The following PTGER3 variants were observed in gnomAD, a reference collection of about 807,000 sequenced individuals.
PTGER3 encodes the protein prostaglandin E receptor 3, also known as prostaglandin E2 receptor EP3 subtype.
In PTGER3, 22 loss-of-function variants were observed where a neutral mutation model predicts 34.7. The observed-to-expected ratio is 0.63, with a 90% CI of 0.45 to 0.91. The LOEUF is 0.91. PTGER3 is among the 40% of genes least tolerant of loss of function. PTGER3 has a pLI of 0.00. For missense variants in PTGER3, 468 were observed against 519.4 expected (o/e 0.90, Z 0.96); for synonymous variants, 241 against 230.1 (o/e 1.05, Z -0.43).
intron 2 of PTGER3, among the ~76,000 whole-genome samples, chr1:70,994,729 T>C (rs139344223): frequency 8.5e-5 from 13 of 152,332 alleles, no homozygotes; most frequent in African/African-American, 3.1e-4. Flanking sequence ...GTGCTGGGAT[T>C]ACAGGCGTGA....
chr1:71,039,649 CAAAAAAA>C (rs1183485427), intron 1 of PTGER3, among the ~76,000 whole-genome samples: 1,462 of 54,476 alleles, frequency 0.027, 31 homozygotes, highest in African/African-American at 0.078. Context: ...GACTCTGTCT[CAAAAAAA>C]AAAAAAAAAA....
chr1:70,885,920 C>T (rs1015416999), intron 4 of PTGER3, among the ~76,000 whole-genome samples: 2 of 152,162 alleles, frequency 1.3e-5, no homozygotes, highest in Non-Finnish European at 2.9e-5. Flanking sequence ...AAAAATAATA[C>T]TGTCCTTTTG....
chr1:70,974,282 G>T lies in PTGER3; in HGVS notation c.1169+15C>A. ...GAAGGCTATGCTATAAATCCCGGCAGTTTCTAAATCTCACCTTTCCAAATG... is the reference window on the plus strand; with the variant it reads ...GAAGGCTATGCTATAAATCCCGGCATTTTCTAAATCTCACCTTTCCAAATG... On this transcript the variant is annotated intron_variant, in intron 3 of 3. Coordinates refer to ENST00000306666, the MANE Select transcript of PTGER3 (RefSeq NM_198719.2). 1.2e-6 allele frequency: 2 copies of T among 1,612,562 alleles called. No homozygotes were observed. Among genetic ancestry groups the T allele is most frequent in the Non-Finnish European group, 1.7e-6 (2 of 1,179,010 alleles).
intron 1 of PTGER3, among the ~76,000 whole-genome samples, chr1:71,042,561 T>C (rs1303131073): frequency 6.6e-6 from 1 of 152,178 alleles, no homozygotes; most frequent in African/African-American, 2.4e-5. Context: ...TAGAATATTT[T>C]TCCTACAATG....
intron 4 of PTGER3, among the ~76,000 whole-genome samples, chr1:70,906,175 C>T (rs1381379082): frequency 6.6e-6 from 1 of 152,180 alleles, no homozygotes; most frequent in Admixed American, 6.5e-5. Context: ...TCCATTAAGC[C>T]TCTTTCTTTT....
intron 4 of PTGER3, among the ~76,000 whole-genome samples, chr1:70,927,807 A>T (rs1197070029): frequency 6.6e-6 from 1 of 152,096 alleles, no homozygotes; most frequent in African/African-American, 2.4e-5. Flanking sequence ...CAATGATGTT[A>T]TCTGTCTCCA....
chr1:71,032,202 T>C (rs551076794), intron 1 of PTGER3, among the ~76,000 whole-genome samples: 6 of 152,154 alleles, frequency 3.9e-5, no homozygotes, highest in South Asian at 2.1e-4. Context: ...GTTAATGGAG[T>C]ATTCGTGAGA....
rs117506609 is a variant in PTGER3, at chr1:70,938,762, G to A, written c.*23+15001C>T. 6.0e-4 allele frequency among the ~76,000 whole-genome samples: 92 copies of A among 152,238 alleles called. 1 individual carries two copies. In the East Asian group the frequency reaches 0.017, roughly 28 times the overall value. On this transcript the variant is annotated intron_variant, in intron 4 of 4. Transcript: ENST00000370931. Reference sequence around the variant, plus strand: ...TATTCACTGTCACCAGAATAGCTCAGGAAAGACCAGCCCCCATGATTCAAT... The same window carrying A: ...TATTCACTGTCACCAGAATAGCTCAAGAAAGACCAGCCCCCATGATTCAAT...
chr1:70,943,019 CT>C (rs1212148046), intron 4 of PTGER3, among the ~76,000 whole-genome samples: 1 of 152,132 alleles, frequency 6.6e-6, no homozygotes, highest in African/African-American at 2.4e-5. Flanking sequence ...TAATATACCC[CT>C]TGAAGCAGGA....
chr1:70,866,539 C>T (rs1236487775), intron 4 of PTGER3, among the ~76,000 whole-genome samples: 4 of 152,186 alleles, frequency 2.6e-5, no homozygotes, highest in Non-Finnish European at 5.9e-5. Flanking sequence ...ATGATATGCT[C>T]ATCTCTGTGT....
chr1:70,984,758 A>G (rs1340144330), intron 2 of PTGER3, among the ~76,000 whole-genome samples: 3 of 152,166 alleles, frequency 2.0e-5, no homozygotes, highest in African/African-American at 7.2e-5. Flanking sequence ...ATTTTAAGTC[A>G]ATAAGCAAAG....
At chr1:70,921,921 G>T (rs999744592) in intron 4 of PTGER3, among the ~76,000 whole-genome samples, 3 of 152,132 alleles carry the variant, frequency 2.0e-5, no homozygotes, top group Non-Finnish European at 4.4e-5. Flanking sequence ...CAAATATTTT[G>T]TCAGAAAAGT....
chr1:70,855,702 G>C (rs917099964), intron 4 of PTGER3, among the ~76,000 whole-genome samples: 1 of 152,040 alleles, frequency 6.6e-6, no homozygotes, highest in African/African-American at 2.4e-5. Context: ...GAGCAAATGG[G>C]TGTTTTCTGT....
chr1:70,854,936 A>G (rs1318306476), intron 4 of PTGER3, among the ~76,000 whole-genome samples: 1 of 152,194 alleles, frequency 6.6e-6, no homozygotes, highest in Non-Finnish European at 1.5e-5. Flanking sequence ...GAAACTAAAA[A>G]TGCGATTACC....
intron 2 of PTGER3, among the ~76,000 whole-genome samples, chr1:70,982,407 G>T (rs554078270): frequency 6.6e-6 from 1 of 152,174 alleles, no homozygotes; most frequent in South Asian, 2.1e-4. Flanking sequence ...AGATTTGGGA[G>T]GGAAAACATC....
chr1:70,982,283 TCA>T (rs1654454007), intron 2 of PTGER3, among the ~76,000 whole-genome samples: 1 of 152,134 alleles, frequency 6.6e-6, no homozygotes. Flanking sequence ...ATAAATAAGC[TCA>T]GTCTTACACC....
At chr1:70,872,256 C>T (rs1225276134) in intron 4 of PTGER3, among the ~76,000 whole-genome samples, 1 of 152,150 alleles carries the variant, frequency 6.6e-6, no homozygotes, top group Non-Finnish European at 1.5e-5. Context: ...TTCATATTGT[C>T]CTTCCTGAAA....
intron 4 of PTGER3, among the ~76,000 whole-genome samples, chr1:70,889,109 A>G (rs1646559603): frequency 6.6e-6 from 1 of 152,166 alleles, no homozygotes; most frequent in Admixed American, 6.5e-5. Flanking sequence ...CAGGCAAATT[A>G]ACCCCTCAAA....
intron 2 of PTGER3, among the ~76,000 whole-genome samples, chr1:71,001,971 C>T (rs987564951): frequency 4.1e-4 from 63 of 152,116 alleles, no homozygotes; most frequent in African/African-American, 1.5e-3. Context: ...TTTCAAGTGT[C>T]TTTACTGGGT....
Sources: gnomAD v4.1 joint callset for allele counts (sites outside exome capture counted in the v4.1 genomes callset) on GRCh38, gnomAD v4.1.1 for gene constraint, MANE v1.5 for transcripts, NCBI Gene and HGNC (gene_info 2026-07-23, HGNC 2026-07-21) for gene names.